Variants in ABLIM3 observed in about 807,000 individuals in gnomAD.
The protein encoded by ABLIM3 is actin binding LIM protein family member 3, also known as actin-binding LIM protein 3.
Under a neutral mutation model 109.5 loss-of-function variants are expected in ABLIM3, and 61 were observed. The ratio of observed to expected loss-of-function variants is 0.56; its 90% CI spans 0.45 to 0.69. The LOEUF (loss-of-function observed/expected upper bound fraction) is 0.69, where lower values mean the gene tolerates loss of function less well. Among genes scored for constraint, ABLIM3 ranks in the 30% least tolerant of loss-of-function variants. The pLI, the probability that ABLIM3 is intolerant of heterozygous loss-of-function variation, is 0.00. For missense variants in ABLIM3, 796 were observed against 889.5 expected, an observed-to-expected ratio of 0.89 and a Z score of 1.34; for synonymous variants, 300 against 324.8, an observed-to-expected ratio of 0.92 and a Z score of 0.82.
intron 8 of ABLIM3, among the ~76,000 whole-genome samples, chr5:149,223,570 G>C (rs1213570937): frequency 6.6e-6 from 1 of 152,166 alleles, no homozygotes; most frequent in Non-Finnish European, 1.5e-5. Context: ...AGGGGCCCGT[G>C]AGCACCATCA....
chr5:149,182,515 T>G (rs1756555230), intron 2 of ABLIM3, among the ~76,000 whole-genome samples: 1 of 152,178 alleles, frequency 6.6e-6, no homozygotes, highest in South Asian at 2.1e-4. Flanking sequence ...CTTCCAACCC[T>G]GAGATTTTTG....
intron 7 of ABLIM3, among the ~76,000 whole-genome samples, chr5:149,216,349 A>G (rs1362058167): frequency 3.3e-5 from 5 of 152,202 alleles, no homozygotes. Flanking sequence ...ACCTGAAAAT[A>G]AATAGAGTTC....
At chr5:149,169,609 G>A (rs750006612) in intron 2 of ABLIM3, among the ~76,000 whole-genome samples, 58 of 152,304 alleles carry the variant, frequency 3.8e-4, no homozygotes, top group Non-Finnish European at 3.4e-4. Flanking sequence ...AGACATGGCT[G>A]CTCAGGGGAG....
intron 3 of ABLIM3, among the ~76,000 whole-genome samples, chr5:149,191,569 G>C (rs538990429): frequency 4.3e-4 from 66 of 151,878 alleles, no homozygotes; most frequent in African/African-American, 1.6e-3. Context: ...TAACTCATTT[G>C]AGCCAGCACA....
intron 10 of ABLIM3, among the ~76,000 whole-genome samples, chr5:149,235,265 G>C (rs1762237673): frequency 6.6e-6 from 1 of 152,194 alleles, no homozygotes; most frequent in Non-Finnish European, 1.5e-5. Flanking sequence ...ATCTGCTTTG[G>C]ATAGATGCAA....
At chr5:149,179,314 G>C (rs1209930978) in intron 2 of ABLIM3, among the ~76,000 whole-genome samples, 1 of 151,800 alleles carries the variant, frequency 6.6e-6, no homozygotes, top group Non-Finnish European at 1.5e-5. Context: ...TTGTTTGTTT[G>C]TTTGTTTGTT....
At chr5:149,160,941 A>G (rs560126585) in intron 2 of ABLIM3, among the ~76,000 whole-genome samples, 1 of 152,312 alleles carries the variant, frequency 6.6e-6, no homozygotes, top group African/African-American at 2.4e-5. Context: ...CCGTGTTCAT[A>G]TCATCTTATT....
chr5:149,147,580 TGTGTAA>T (rs2127429321), intron 2 of ABLIM3, among the ~76,000 whole-genome samples: 1 of 152,286 alleles, frequency 6.6e-6, no homozygotes, highest in East Asian at 1.9e-4. Context: ...GAAAAAGATC[TGTGTAA>T]GTGGACCTAC....
In ABLIM3 at chr5:149,238,456, G is replaced by A. The variant is rs774609916; in HGVS notation, c.1045-792G>A. Among the ~76,000 whole-genome samples the A allele has an allele frequency of 2.1e-4, 32 of 152,216 alleles. No individual in the cohort carries two copies. In the Middle Eastern group the frequency reaches 0.014, roughly 65 times the overall value. On this transcript the variant is annotated intron_variant, in intron 11 of 23. Coordinates refer to ENST00000309868, the MANE Select transcript of ABLIM3 (RefSeq NM_014945.5). Reference sequence around the variant, plus strand: ...CCAGTGCTGAGATTCTCTGGTTTCCGGCCCCTGAAATGCACCAGGAGAGGA... The same window carrying A: ...CCAGTGCTGAGATTCTCTGGTTTCCAGCCCCTGAAATGCACCAGGAGAGGA...
intron 6 of ABLIM3, among the ~76,000 whole-genome samples, chr5:149,209,394 C>T (rs1416261457): frequency 2.6e-5 from 4 of 152,166 alleles, no homozygotes; most frequent in African/African-American, 7.2e-5. Context: ...GTGACCTTGG[C>T]AAGGGACTCC....
chr5:149,175,139 C>T (rs966042600), intron 2 of ABLIM3, among the ~76,000 whole-genome samples: 1 of 152,170 alleles, frequency 6.6e-6, no homozygotes. Context: ...AGGGATGTTT[C>T]CCCTTCTCTA....
intron 2 of ABLIM3, among the ~76,000 whole-genome samples, chr5:149,155,035 G>A (rs1753761189): frequency 6.6e-6 from 1 of 152,148 alleles, no homozygotes; most frequent in Non-Finnish European, 1.5e-5. Context: ...CATTTAATGA[G>A]GAATACTTCA....
chr5:149,188,558 A>C (rs527758367), intron 3 of ABLIM3, among the ~76,000 whole-genome samples: 4 of 152,358 alleles, frequency 2.6e-5, no homozygotes, highest in African/African-American at 9.6e-5. Flanking sequence ...TTAAGATGGC[A>C]GCACTGGCTT....
chr5:149,182,470 C>T (rs1756553380), intron 2 of ABLIM3, among the ~76,000 whole-genome samples: 1 of 152,188 alleles, frequency 6.6e-6, no homozygotes, highest in African/African-American at 2.4e-5. Context: ...ACAGCTTATG[C>T]ATAATGAGAT....
intron 13 of ABLIM3, 68 bp from the exon 14 acceptor site, chr5:149,240,608 C>A (rs988624710): frequency 7.0e-6 from 9 of 1,279,120 alleles, no homozygotes; most frequent in African/African-American, 1.5e-5. Flanking sequence ...TCCTAAACTG[C>A]CACCGCGTTA....
intron 5 of ABLIM3, among the ~76,000 whole-genome samples, chr5:149,206,352 A>C (rs1758967196): frequency 6.6e-6 from 1 of 152,160 alleles, no homozygotes; most frequent in Admixed American, 6.5e-5. Flanking sequence ...CACAATGGGG[A>C]AGGGGTGGGT....
intron 2 of ABLIM3, among the ~76,000 whole-genome samples, chr5:149,154,807 T>C (rs1753742380): frequency 6.6e-6 from 1 of 152,208 alleles, no homozygotes; most frequent in African/African-American, 2.4e-5. Flanking sequence ...TCCTGCACAC[T>C]CAACATGGTG....
intron 9 of ABLIM3, among the ~76,000 whole-genome samples, chr5:149,232,890 T>C (rs1761994438): frequency 6.6e-6 from 1 of 152,366 alleles, no homozygotes; most frequent in African/African-American, 2.4e-5. Context: ...TCCCAAGGAA[T>C]GAATGCTAAC....
chr5:149,225,231 A>ACCTCTGTCTAGTTCC (rs70973510), intron 8 of ABLIM3, among the ~76,000 whole-genome samples: 1 of 151,998 alleles, frequency 6.6e-6, no homozygotes, highest in Non-Finnish European at 1.5e-5. Flanking sequence ...AATGTTGTAC[A>ACCTCTGTCTAGTTCC]ACCCCCACCT....
Sources: gnomAD v4.1 joint callset for allele counts (sites outside exome capture counted in the v4.1 genomes callset) on GRCh38, gnomAD v4.1.1 for gene constraint, MANE v1.5 for transcripts, NCBI Gene and HGNC (gene_info 2026-07-23, HGNC 2026-07-21) for gene names.